Variants in ERC2 observed in about 807,000 individuals in gnomAD.
The protein encoded by ERC2 is ERC protein 2.
In ERC2, 42 loss-of-function variants were observed where a neutral mutation model predicts 114.8. That is an observed-to-expected ratio of 0.37 (90% CI 0.29 to 0.47). The LOEUF is 0.47. ERC2 is among the 20% of genes least tolerant of loss of function. The pLI is 0.99. For missense variants in ERC2, 939 were observed against 1,150.7 expected (o/e 0.82, Z 2.66); for synonymous variants, 454 against 425.5 (o/e 1.07, Z -0.82).
intron 6 of ERC2, among the ~76,000 whole-genome samples, chr3:56,134,183 C>A (rs1390407163): frequency 6.6e-6 from 1 of 152,184 alleles, no homozygotes; most frequent in Non-Finnish European, 1.5e-5. Flanking sequence ...TTTTAGTCTT[C>A]AAGGGAGCGA....
At chr3:56,078,406 G>C (rs2077075533) in intron 7 of ERC2, among the ~76,000 whole-genome samples, 1 of 152,100 alleles carries the variant, frequency 6.6e-6, no homozygotes, top group Non-Finnish European at 1.5e-5. Flanking sequence ...GTACCATTTA[G>C]GCTCTGGCTG....
chr3:56,292,525 G>T (rs1406370666), intron 3 of ERC2, among the ~76,000 whole-genome samples: 1 of 152,028 alleles, frequency 6.6e-6, no homozygotes, highest in Non-Finnish European at 1.5e-5. Context: ...GGGAGGTAGA[G>T]GTTGCAGTAA....
At chr3:55,987,997 TCACC>T (rs1334022822) in intron 11 of ERC2, among the ~76,000 whole-genome samples, 2 of 152,136 alleles carry the variant, frequency 1.3e-5, no homozygotes, top group Non-Finnish European at 2.9e-5. Context: ...ACATGAAAGG[TCACC>T]CAAACTGATT....
intron 17 of ERC2, among the ~76,000 whole-genome samples, chr3:55,631,796 G>T (rs1398792863): frequency 6.6e-6 from 1 of 152,180 alleles, no homozygotes; most frequent in Non-Finnish European, 1.5e-5. Context: ...GCTTCTAAGA[G>T]AATTCCACAA....
chr3:55,961,633 C>T (rs1278742997), intron 12 of ERC2, among the ~76,000 whole-genome samples: 6 of 152,170 alleles, frequency 3.9e-5, no homozygotes, highest in Admixed American at 2.6e-4. Context: ...TAATTTATTT[C>T]TGGAACTGAC....
At chr3:55,862,229 T>C (rs62255832) in intron 14 of ERC2, among the ~76,000 whole-genome samples, 13,860 of 152,064 alleles carry the variant, frequency 0.091, 708 homozygotes, top group South Asian at 0.16. Context: ...TTGGTCAGAG[T>C]GGCAAGCTCT....
intron 14 of ERC2, among the ~76,000 whole-genome samples, chr3:55,831,977 C>A (rs544230375): frequency 6.6e-6 from 1 of 152,354 alleles, no homozygotes; most frequent in South Asian, 2.1e-4. Context: ...TCAGAGGGTC[C>A]TACGTCCACG....
chr3:55,549,958 G>GAGAA (rs1559636774), intron 17 of ERC2, among the ~76,000 whole-genome samples: 1 of 97,400 alleles, frequency 1.0e-5, no homozygotes. Context: ...GAGAGAGAGA[G>GAGAA]ACAGAGAGAG....
intron 3 of ERC2, among the ~76,000 whole-genome samples, chr3:56,279,919 G>A (rs1229516476): frequency 6.6e-6 from 1 of 152,182 alleles, no homozygotes; most frequent in Non-Finnish European, 1.5e-5. Flanking sequence ...CCTCAAAGAT[G>A]TCCACCTACT....
chr3:55,712,043 T>C (rs1348675908), intron 15 of ERC2, among the ~76,000 whole-genome samples: 3 of 152,234 alleles, frequency 2.0e-5, no homozygotes, highest in African/African-American at 2.4e-5. Flanking sequence ...TTGTATCCCA[T>C]GTGTTCCCTA....
chr3:56,010,656 A>C, intron 8 of ERC2, 67 bp from the exon 9 acceptor site: 3 of 1,506,876 alleles, frequency 2.0e-6, no homozygotes, highest in Non-Finnish European at 2.7e-6. Context: ...GCATACTGTA[A>C]AAGAAAATAA....
intron 17 of ERC2, among the ~76,000 whole-genome samples, chr3:55,566,174 AC>A (rs1245509160): frequency 6.6e-6 from 1 of 152,192 alleles, no homozygotes; most frequent in Non-Finnish European, 1.5e-5. Context: ...TGGTTTCACC[AC>A]TTACCAATTG....
In ERC2 at chr3:56,149,007, G is replaced by A; in HGVS notation, c.1275C>T (p.Tyr425=). Reference sequence around the variant, plus strand: ...TCTTCATAAACTTGGAGTGACTTTTGTAAACCTCAATTTGTTTGATCTCTT... The same window carrying A: ...TCTTCATAAACTTGGAGTGACTTTTATAAACCTCAATTTGTTTGATCTCTT... The part of the protein sequence containing the change: ...REEEIKQIEV[Y]KSHSKFMKTK... Residue 425 remains tyrosine, a synonymous_variant, in exon 5 of 18, where the codon TAC becomes TAT. Transcript: ENST00000288221. 1 of 1,613,284 alleles carries A rather than the reference G, an allele frequency of 6.2e-7. No homozygotes were observed. Among genetic ancestry groups the A allele is most frequent in the South Asian group, 1.1e-5 (1 of 91,032 alleles).
intron 7 of ERC2, among the ~76,000 whole-genome samples, chr3:56,036,357 A>C (rs2074801307): frequency 6.6e-6 from 1 of 152,110 alleles, no homozygotes; most frequent in African/African-American, 2.4e-5. Context: ...CCTTCTTTTC[A>C]CTTTAGTACC....
intron 2 of ERC2, among the ~76,000 whole-genome samples, chr3:56,372,647 G>C (rs2059398857): frequency 6.6e-6 from 1 of 152,056 alleles, no homozygotes; most frequent in Admixed American, 6.6e-5. Context: ...AGGATCACTT[G>C]AATCCAGGAG....
chr3:55,772,786 G>A (rs1565940), intron 14 of ERC2, among the ~76,000 whole-genome samples: 145,699 of 152,226 alleles, frequency 0.96, 69,938 homozygotes, highest in Middle Eastern at 1. Context: ...TAGTTACCCT[G>A]TCTTAGCTAA....
intron 17 of ERC2, among the ~76,000 whole-genome samples, chr3:55,603,371 G>A (rs1423979848): frequency 3.3e-5 from 5 of 152,136 alleles, no homozygotes; most frequent in African/African-American, 1.2e-4. Context: ...GGTGGCTCAC[G>A]CCTGTAATCC....
intron 1 of ERC2, among the ~76,000 whole-genome samples, chr3:56,456,923 C>A (rs2063087956): frequency 6.6e-6 from 1 of 151,366 alleles, no homozygotes; most frequent in African/African-American, 2.4e-5. Flanking sequence ...TTTAACAGTG[C>A]TACTGTATAA....
intron 17 of ERC2, among the ~76,000 whole-genome samples, chr3:55,543,021 C>G (rs1170057567): frequency 1.3e-5 from 2 of 152,222 alleles, no homozygotes; most frequent in East Asian, 3.9e-4. Context: ...CACATCTGCT[C>G]AAAGCCTCCA....
Sources: allele counts gnomAD v4.1 joint callset (sites outside exome capture counted in the v4.1 genomes callset), GRCh38; gene constraint gnomAD v4.1.1; transcripts MANE v1.5; gene names NCBI Gene and HGNC (gene_info 2026-07-23, HGNC 2026-07-21).